Variants in L3MBTL2 observed in about 807,000 individuals in gnomAD.
L3MBTL2 encodes lethal(3)malignant brain tumor-like protein 2.
Under a neutral mutation model 86.4 loss-of-function variants are expected in L3MBTL2, and 49 were observed. The observed-to-expected ratio is 0.57, with a 90% CI of 0.45 to 0.72. The LOEUF (loss-of-function observed/expected upper bound fraction) is 0.72, where lower values mean the gene tolerates loss of function less well. Among genes scored for constraint, L3MBTL2 ranks in the 30% least tolerant of loss-of-function variants. L3MBTL2 has a pLI of 0.00. For missense variants in L3MBTL2, 755 were observed against 923.7 expected (o/e 0.82, Z 2.37); for synonymous variants, 336 against 350.6 (o/e 0.96, Z 0.47).
chr22:41,230,376 C>A lies in L3MBTL2; in HGVS notation c.*125C>A. The A allele has an allele frequency of 2.8e-6, 2 of 720,132 alleles. No homozygotes were observed. The highest frequency in any genetic ancestry group is 1.7e-5 in the South Asian group (1 of 58,562). 44.6% of individuals were successfully genotyped at this position (720,132 alleles called of 1,614,324 possible). On this transcript the variant is annotated 3_prime_UTR_variant, in exon 17 of 17. Transcript: ENST00000216237. ...CTCTCTGTGTAAATTCTGCCCGGTGCTGTGAAGGCTGGACGGTGGAGGACC... is the reference window on the plus strand; with the variant it reads ...CTCTCTGTGTAAATTCTGCCCGGTGATGTGAAGGCTGGACGGTGGAGGACC...
intron 12 of L3MBTL2, among the ~76,000 whole-genome samples, chr22:41,226,391 G>C (rs763891367): frequency 2.0e-5 from 3 of 152,222 alleles, no homozygotes; most frequent in Non-Finnish European, 4.4e-5. Context: ...CCCACCACCA[G>C]CCCTTAACTG....
Position 41,224,863 on chromosome 22 carries a change from C to A in L3MBTL2, c.1251+62C>A. The A allele has an allele frequency of 3.2e-6, 5 of 1,555,604 alleles. No homozygotes were observed. The highest frequency in any genetic ancestry group is 4.4e-6 in the Non-Finnish European group (5 of 1,127,338). ...ATGGGTCCATTCCGGGCCTGAGGGA[C>A]CTGGCTCTTCCCCTGGGACCATCCC... On this transcript the variant is annotated intron_variant, in intron 10 of 16. Transcript: ENST00000216237. This position sits in a 1 kb window ranked among gnomAD's most constrained non-coding sequence, Gnocchi z 4.9.
At chr22:41,216,103 C>T (rs767038856) in intron 3 of L3MBTL2, 36 bp from the exon 4 acceptor site, 59 of 1,584,408 alleles carry the variant, frequency 3.7e-5, no homozygotes, top group Non-Finnish European at 4.6e-5. Flanking sequence ...TGATCCCAGC[C>T]GCCAGGCTAC....
At chr22:41,219,589 T>G in intron 6 of L3MBTL2, 53 bp downstream of exon 6, 18 of 1,163,508 alleles carry the variant, frequency 1.5e-5, no homozygotes, top group East Asian at 2.4e-5. Flanking sequence ...GTGACATCTC[T>G]AGATGGGTGA....
chr22:41,220,453 C>T (rs549122940), intron 6 of L3MBTL2, among the ~76,000 whole-genome samples: 5 of 152,018 alleles, frequency 3.3e-5, no homozygotes, highest in South Asian at 2.1e-4. Flanking sequence ...TTTGGGAGGC[C>T]GAGGAGGGCA....
At chr22:41,216,606 G>A (rs995997326) in intron 4 of L3MBTL2, among the ~76,000 whole-genome samples, 2 of 152,200 alleles carry the variant, frequency 1.3e-5, no homozygotes, top group Non-Finnish European at 2.9e-5. Flanking sequence ...GAGAGGGGTG[G>A]TGGGATAAGG....
intron 2 of L3MBTL2, among the ~76,000 whole-genome samples, chr22:41,210,715 C>T (rs1018175136): frequency 1.3e-5 from 2 of 152,188 alleles, no homozygotes; most frequent in Admixed American, 6.5e-5. Context: ...CCACCCACCT[C>T]AGCTTCCCAA....
intron 2 of L3MBTL2, 127 bp downstream of exon 2, chr22:41,210,060 G>C: frequency 7.6e-7 from 1 of 1,308,908 alleles, no homozygotes; most frequent in Non-Finnish European, 1.0e-6. Context: ...ATTTCTAAGG[G>C]ATCAGATGTG....
At chr22:41,220,585 G>T (rs1445454749) in intron 6 of L3MBTL2, 149 bp from the exon 7 acceptor site, 2 of 696,446 alleles carry the variant, frequency 2.9e-6, no homozygotes, top group Middle Eastern at 4.5e-4. Context: ...AGCTACTCTG[G>T]AGGTGGAGCT....
intron 15 of L3MBTL2, chr22:41,228,613 G>T: frequency 3.1e-6 from 2 of 650,966 alleles, no homozygotes; most frequent in South Asian, 1.4e-4. Context: ...CACTTTGGGA[G>T]GCCGAGGTGG....
intron 2 of L3MBTL2, among the ~76,000 whole-genome samples, chr22:41,212,009 G>T (rs1277386824): frequency 6.7e-6 from 1 of 150,270 alleles, no homozygotes; most frequent in East Asian, 2.0e-4. Context: ...GACTACAGGC[G>T]CCCTCCGCCA....
At chr22:41,226,828 C>T (rs2145613883) in intron 13 of L3MBTL2, 84 bp downstream of exon 13, 1 of 1,031,834 alleles carries the variant, frequency 9.7e-7, no homozygotes, top group South Asian at 1.4e-5. Flanking sequence ...GCAGTTCCTA[C>T]TCTTTCTCTC....
chr22:41,228,082 G>T (rs779795540), intron 15 of L3MBTL2: 37 of 985,288 alleles, frequency 3.8e-5, no homozygotes, highest in Non-Finnish European at 4.1e-5. Flanking sequence ...CCATAAATAG[G>T]GAGTGTTCAG....
intron 2 of L3MBTL2, among the ~76,000 whole-genome samples, chr22:41,212,895 CAAAAA>C (rs35911149): frequency 7.4e-6 from 1 of 135,284 alleles, no homozygotes; most frequent in Non-Finnish European, 1.6e-5. Flanking sequence ...AACTCCATCT[CAAAAA>C]AAAAAAAAAG....
rs762505607 is a variant in L3MBTL2 at position 41,205,371 on chromosome 22, G to T, written c.9G>T (p.Lys3Asn). Reference sequence around the variant, plus strand: ...GGCGAAACTGAGGTCTCATGGAGAAGCCCCGGAGTATTGAGGTGAGAAGGC... The same window carrying T: ...GGCGAAACTGAGGTCTCATGGAGAATCCCCGGAGTATTGAGGTGAGAAGGC... ME[K>N]PRSIEETPSS... The change falls in exon 1 of 17, where the codon AAG (lysine) becomes AAT (asparagine). Residue 3 changes from lysine (K) to asparagine (N), a missense_variant. Physicochemically the swap from Lys to Asn is moderately conservative, Grantham distance 94 (BLOSUM62 0). Around this residue, in one of 3 missense-constraint regions of L3MBTL2, gnomAD observed 103 missense variants for 105.2 expected, o/e 0.98. Transcript: ENST00000216237. The T allele has an allele frequency of 1.6e-5, 26 of 1,614,102 alleles. No individual in the cohort carries two copies. In the East Asian group the frequency reaches 4.7e-4, roughly 29 times the overall value.
In L3MBTL2 at chr22:41,227,725, G is replaced by C; in HGVS notation, c.1823-79G>C. 1 of 1,607,694 alleles carries C rather than the reference G, an allele frequency of 6.2e-7. No homozygotes were observed. The highest frequency in any genetic ancestry group is 8.5e-7 in the Non-Finnish European group (1 of 1,176,220). On this transcript the variant is annotated intron_variant, in intron 14 of 16. Coordinates refer to ENST00000216237, the MANE Select transcript of L3MBTL2 (RefSeq NM_031488.5). The surrounding 1 kb of genome is among the most constrained non-coding windows in gnomAD (Gnocchi z 6.0). ...GTGTCTCGTGTGGGAGGGTGGATGG[G>C]GTCTCGGGATGCGCCTGTGCCCTGT...
At chr22:41,207,945 C>T (rs1043131880) in intron 1 of L3MBTL2, among the ~76,000 whole-genome samples, 2 of 151,958 alleles carry the variant, frequency 1.3e-5, no homozygotes, top group Admixed American at 6.6e-5. Flanking sequence ...GATTCTCCTG[C>T]CTCAGCCTCC....
At chr22:41,217,572 G>C (rs7289843) in intron 5 of L3MBTL2, 2 of 229,358 alleles carry the variant, frequency 8.7e-6, no homozygotes, top group African/African-American at 4.7e-5. Context: ...CGTGGGCCCC[G>C]AGAGGCAGAT....
intron 1 of L3MBTL2, among the ~76,000 whole-genome samples, chr22:41,208,775 C>T (rs1425864403): frequency 6.6e-6 from 1 of 152,170 alleles, no homozygotes; most frequent in Non-Finnish European, 1.5e-5. Flanking sequence ...GACAGCATCT[C>T]ACTCCATTAC....
Sources: allele counts gnomAD v4.1 joint callset (sites outside exome capture counted in the v4.1 genomes callset), GRCh38; gene constraint gnomAD v4.1.1; regional missense constraint gnomAD v4.1.1; non-coding constraint Gnocchi (gnomAD v3.1); transcripts MANE v1.5; gene names NCBI Gene and HGNC (gene_info 2026-07-23, HGNC 2026-07-21).